SCRG1: variants seen among roughly 807,000 people sequenced by gnomAD.
SCRG1 encodes stimulator of chondrogenesis 1.
A neutral mutation model predicts 7.7 loss-of-function variants in SCRG1; 3 were observed. That is an observed-to-expected ratio of 0.39 (90% CI 0.18 to 1.01). SCRG1 has a LOEUF of 1.01. Among genes scored for constraint, SCRG1 ranks in the 50% least tolerant of loss-of-function variants. The pLI, the probability that SCRG1 is intolerant of heterozygous loss-of-function variation, is 0.36. For synonymous variants in SCRG1, 46 were observed against 41.2 expected (o/e 1.12, Z -0.44); for missense variants, 110 against 117.2 (o/e 0.94, Z 0.28).
chr4:173,506,622 C>T, the SCRG1 span, among the ~76,000 whole-genome samples: 1 of 151,938 alleles, frequency 6.6e-6, no homozygotes, highest in Non-Finnish European at 1.5e-5. This position sits in a 1 kb window ranked among gnomAD's most constrained non-coding sequence, Gnocchi z 5.3. Flanking sequence ...AGGGTAGGGG[C>T]GGGCAGATTT....
chr4:173,416,166 A>G, the SCRG1 span, among the ~76,000 whole-genome samples: 3 of 152,210 alleles, frequency 2.0e-5, no homozygotes, highest in Non-Finnish European at 2.9e-5. Flanking sequence ...ACGTTTTCCT[A>G]GTTATCTGAG....
chr4:173,452,458 G>A, the SCRG1 span, among the ~76,000 whole-genome samples: 1 of 152,110 alleles, frequency 6.6e-6, no homozygotes, highest in Admixed American at 6.5e-5. Flanking sequence ...TCAAACTTGG[G>A]TTGTTCAAGG....
At chr4:173,484,516 A>G in the SCRG1 span, among the ~76,000 whole-genome samples, 30 of 79,546 alleles carry the variant, frequency 3.8e-4, no homozygotes, top group South Asian at 2.1e-3. Context: ...TATATTATAT[A>G]CATATAATAT....
upstream of SCRG1, among the ~76,000 whole-genome samples, chr4:173,400,555 T>C (rs1003211102): frequency 1.3e-5 from 2 of 152,162 alleles, no homozygotes; most frequent in Non-Finnish European, 2.9e-5. Flanking sequence ...CAACTCAATA[T>C]CAAATAATCT....
chr4:173,494,466 ACAATGTGC>A, the SCRG1 span, among the ~76,000 whole-genome samples: 1 of 152,216 alleles, frequency 6.6e-6, no homozygotes, highest in Admixed American at 6.5e-5. Context: ...GGAAGCAGAG[ACAATGTGC>A]CAACACGGGG....
Position 173,385,638 on chromosome 4 carries a change from A to G in SCRG1, c.*2703T>C, listed in dbSNP as rs992126791. ...TCTAAAAGAAATAACTGAATTTCAT[A>G]TTTTCAGAAAGACATTATGATGAAT... On this transcript the variant is annotated 3_prime_UTR_variant, in exon 3 of 3. Transcript: ENST00000296506. 1.3e-5 allele frequency: 2 copies of G among 151,998 alleles called. No individual in the cohort carries two copies. Among genetic ancestry groups the G allele is most frequent in the Non-Finnish European group, 2.9e-5 (2 of 68,018 alleles). The allele number at this position is 151,998 out of a possible 1,614,324, so 9.4% of individuals were successfully genotyped here.
chr4:173,513,765 C>A, the SCRG1 span, among the ~76,000 whole-genome samples: 1 of 152,176 alleles, frequency 6.6e-6, no homozygotes, highest in Non-Finnish European at 1.5e-5. Context: ...ACTGGAGCAA[C>A]CTGCATTATT....
chr4:173,509,566 C>T, the SCRG1 span, among the ~76,000 whole-genome samples: 1 of 152,178 alleles, frequency 6.6e-6, no homozygotes, highest in African/African-American at 2.4e-5. This position sits in a 1 kb window ranked among gnomAD's most constrained non-coding sequence, Gnocchi z 5.7. Flanking sequence ...CTGGCGGCTG[C>T]CGGGCAAAAA....
the SCRG1 span, among the ~76,000 whole-genome samples, chr4:173,484,958 T>TATA: frequency 1.8e-3 from 92 of 51,886 alleles, 12 homozygotes; most frequent in African/African-American, 5.8e-3. Context: ...TATAATATTA[T>TATA]ATATATTATA....
At chr4:173,469,032 C>T in the SCRG1 span, 1 of 152,140 alleles carries the variant, frequency 6.6e-6, no homozygotes, top group African/African-American at 2.4e-5. Context: ...TGCAGTGATC[C>T]AAGTAACTTA....
chr4:173,448,787 T>C, the SCRG1 span, among the ~76,000 whole-genome samples: 2 of 152,188 alleles, frequency 1.3e-5, no homozygotes, highest in African/African-American at 4.8e-5. Flanking sequence ...TTTTTAAATA[T>C]GCACAGCTGC....
At chr4:173,444,794 C>G in the SCRG1 span, among the ~76,000 whole-genome samples, 2 of 152,132 alleles carry the variant, frequency 1.3e-5, no homozygotes, top group African/African-American at 4.8e-5. Context: ...CATTTTGCCA[C>G]CTACCTGAGG....
chr4:173,426,905 T>C, the SCRG1 span, among the ~76,000 whole-genome samples: 1 of 152,232 alleles, frequency 6.6e-6, no homozygotes. Context: ...CTCTGGCTAA[T>C]AAGATACCAA....
At chr4:173,476,364 A>G in the SCRG1 span, among the ~76,000 whole-genome samples, 1 of 34,522 alleles carries the variant, frequency 2.9e-5, no homozygotes, top group Non-Finnish European at 5.9e-5. Flanking sequence ...GAAAAAAAAA[A>G]TATATATATA....
the SCRG1 span, among the ~76,000 whole-genome samples, chr4:173,481,308 A>G: frequency 6.6e-6 from 1 of 152,200 alleles, no homozygotes; most frequent in Non-Finnish European, 1.5e-5. Flanking sequence ...AAGTGAAAAC[A>G]ACCCTGGTAA....
chr4:173,500,468 A>C, the SCRG1 span, among the ~76,000 whole-genome samples: 2 of 89,652 alleles, frequency 2.2e-5, no homozygotes, highest in Admixed American at 2.3e-4. Context: ...ACCCTTAGTA[A>C]ATTTTGTGTG....
At chr4:173,390,795 G>A (rs1370239230) in intron 2 of SCRG1, among the ~76,000 whole-genome samples, 1 of 152,046 alleles carries the variant, frequency 6.6e-6, no homozygotes, top group Non-Finnish European at 1.5e-5. Flanking sequence ...AGCCTCACTG[G>A]GATCTTTTAT....
the SCRG1 span, among the ~76,000 whole-genome samples, chr4:173,442,345 A>C: frequency 2.6e-5 from 4 of 152,312 alleles, no homozygotes; most frequent in African/African-American, 7.2e-5. Flanking sequence ...GCTTCCTGCT[A>C]ATGGCTTGAG....
At chr4:173,507,295 C>T in the SCRG1 span, among the ~76,000 whole-genome samples, 1 of 152,162 alleles carries the variant, frequency 6.6e-6, no homozygotes, top group African/African-American at 2.4e-5. This position sits in a 1 kb window ranked among gnomAD's most constrained non-coding sequence, Gnocchi z 4.4. Context: ...CTGCAACCTC[C>T]GCCTCCCGGG....
Sources: gnomAD v4.1 joint callset for allele counts (sites outside exome capture counted in the v4.1 genomes callset) on GRCh38, gnomAD v4.1.1 for gene constraint, Gnocchi (gnomAD v3.1) non-coding constraint, MANE v1.5 for transcripts, NCBI Gene and HGNC (gene_info 2026-07-23, HGNC 2026-07-21) for gene names.